Variants in UPP2 observed in about 807,000 individuals in gnomAD.
The protein encoded by UPP2 is uridine phosphorylase 2, also known as UPase 2.
In UPP2, 23 loss-of-function variants were observed where a neutral mutation model predicts 26.7. That is an observed-to-expected ratio of 0.86 (90% CI 0.62 to 1.22). The LOEUF (loss-of-function observed/expected upper bound fraction) is 1.22. Among genes scored for constraint, UPP2 ranks in the 50% most tolerant of loss-of-function variants. UPP2 has a pLI of 0.00. For synonymous variants in UPP2, 127 were observed against 141.3 expected (o/e 0.90, Z 0.72); for missense variants, 387 against 396.7 (o/e 0.98, Z 0.21).
At position 158,002,517 on chromosome 2, in the gene UPP2, G is replaced by A. The variant is rs115674254; in HGVS notation, c.61+7258G>A. Among the ~76,000 whole-genome samples, 1,142 of 152,354 alleles carry A rather than the reference G, an allele frequency of 7.5e-3. 18 individuals carry two copies. The highest frequency in any genetic ancestry group is 0.026 in the African/African-American group (1,070 of 41,574). Reference sequence around the variant, plus strand: ...AGGAAAAGAAAAAGGCAGCTATCTGGCAGGCCTGCCTGCACAGAGCAAGAG... The same window carrying A: ...AGGAAAAGAAAAAGGCAGCTATCTGACAGGCCTGCCTGCACAGAGCAAGAG... On this transcript the variant is annotated intron_variant, in intron 2 of 9. Transcript: ENST00000605860.
At chr2:158,031,570 T>A (rs1558908915) in intron 3 of UPP2, among the ~76,000 whole-genome samples, 1 of 152,168 alleles carries the variant, frequency 6.6e-6, no homozygotes, top group Non-Finnish European at 1.5e-5. Flanking sequence ...ACCGCTGAGG[T>A]TCCGAGCCAG....
intron 3 of UPP2, among the ~76,000 whole-genome samples, chr2:158,037,688 A>G (rs1238953853): frequency 3.3e-5 from 5 of 152,132 alleles, no homozygotes; most frequent in Non-Finnish European, 5.9e-5. Flanking sequence ...CTGTCTTCAC[A>G]TGACCATCTC....
At chr2:158,129,121 CCAA>C (rs1257451568) in intron 6 of UPP2, among the ~76,000 whole-genome samples, 1 of 152,026 alleles carries the variant, frequency 6.6e-6, no homozygotes, top group African/African-American at 2.4e-5. Context: ...CTTCCCACTG[CCAA>C]CAACTCACAC....
intron 2 of UPP2, 36 bp downstream of exon 2, chr2:158,106,252 G>GT (rs757722589): frequency 1.3e-6 from 2 of 1,574,180 alleles, no homozygotes; most frequent in Non-Finnish European, 8.7e-7. Flanking sequence ...AAATGATTGA[G>GT]TTTTCTCTAC....
At chr2:158,062,644 A>G (rs558362952) in intron 3 of UPP2, among the ~76,000 whole-genome samples, 2 of 152,108 alleles carry the variant, frequency 1.3e-5, no homozygotes, top group Non-Finnish European at 2.9e-5. Context: ...TCTCCTTTTT[A>G]CACTATCCCT....
At chr2:158,038,660 A>T (rs906691071) in intron 3 of UPP2, among the ~76,000 whole-genome samples, 2 of 152,254 alleles carry the variant, frequency 1.3e-5, no homozygotes, top group Non-Finnish European at 2.9e-5. Context: ...GAGCTGGAAC[A>T]GCCTGTGGCT....
At chr2:158,128,492 C>CTT in intron 6 of UPP2, among the ~76,000 whole-genome samples, 1 of 152,146 alleles carries the variant, frequency 6.6e-6, no homozygotes, top group South Asian at 2.1e-4. Context: ...ATCTTTAGGC[C>CTT]AGGGTACAAG....
At chr2:158,000,031 G>C (rs911058105) in intron 2 of UPP2, among the ~76,000 whole-genome samples, 1 of 151,940 alleles carries the variant, frequency 6.6e-6, no homozygotes, top group African/African-American at 2.4e-5. Flanking sequence ...TGGTAGAAAA[G>C]ATAATATGTT....
intron 3 of UPP2, among the ~76,000 whole-genome samples, chr2:158,029,556 G>T (rs893109093): frequency 2.0e-5 from 3 of 152,308 alleles, no homozygotes; most frequent in Admixed American, 2.0e-4. Context: ...GCCATCAGTA[G>T]AGTGGCAACT....
intron 3 of UPP2, among the ~76,000 whole-genome samples, chr2:158,046,968 G>C (rs1273876239): frequency 6.6e-6 from 1 of 152,170 alleles, no homozygotes; most frequent in East Asian, 1.9e-4. Context: ...TATATTAAAA[G>C]AGATCAACTA....
At chr2:158,046,446 T>G (rs2355165) in intron 3 of UPP2, among the ~76,000 whole-genome samples, 100,622 of 152,126 alleles carry the variant, frequency 0.66, 33,496 homozygotes, top group Non-Finnish European at 0.71. Flanking sequence ...CCAGAGAATC[T>G]GCTTGCCCCA....
chr2:158,127,023 T>C (rs759031478), intron 6 of UPP2, among the ~76,000 whole-genome samples: 9 of 152,226 alleles, frequency 5.9e-5, no homozygotes, highest in Non-Finnish European at 2.9e-5. Context: ...TAGAGAACCA[T>C]TGTACTAACT....
At chr2:158,057,908 A>G (rs938425371) in intron 3 of UPP2, among the ~76,000 whole-genome samples, 11 of 152,156 alleles carry the variant, frequency 7.2e-5, no homozygotes, top group African/African-American at 2.2e-4. Context: ...ATATGACTGT[A>G]TTTGGAGACA....
intron 3 of UPP2, chr2:158,015,934 A>C (rs1036191889): frequency 1.8e-4 from 70 of 391,662 alleles, no homozygotes; most frequent in African/African-American, 1.5e-3. Context: ...AGTCTCAGGT[A>C]GTTCTTTATA....
chr2:158,133,288 G>A (rs1282388950), intron 6 of UPP2, among the ~76,000 whole-genome samples: 1 of 152,198 alleles, frequency 6.6e-6, no homozygotes, highest in Admixed American at 6.5e-5. Context: ...AATACTGTAT[G>A]ATTTTACTTA....
chr2:158,130,155 C>T (rs1244801810), intron 6 of UPP2, among the ~76,000 whole-genome samples: 1 of 152,016 alleles, frequency 6.6e-6, no homozygotes, highest in East Asian at 1.9e-4. Context: ...TTAGATTGAG[C>T]TCTGAGTTTC....
At chr2:158,071,646 C>T (rs1014893814) in intron 3 of UPP2, among the ~76,000 whole-genome samples, 3 of 148,180 alleles carry the variant, frequency 2.0e-5, no homozygotes, top group African/African-American at 7.4e-5. Flanking sequence ...TGTATCTTGA[C>T]TACCAGTTCA....
chr2:158,074,392 A>G (rs990300856), intron 3 of UPP2, among the ~76,000 whole-genome samples: 5 of 152,170 alleles, frequency 3.3e-5, no homozygotes, highest in Non-Finnish European at 7.4e-5. Flanking sequence ...TCAATAAGAC[A>G]TAAAGAGAAG....
chr2:157,999,624 G>A (rs889656489), intron 2 of UPP2, among the ~76,000 whole-genome samples: 5 of 152,004 alleles, frequency 3.3e-5, no homozygotes, highest in Admixed American at 3.3e-4. Flanking sequence ...TAACGTTTTG[G>A]CCAATGATGA....
Sources: allele counts gnomAD v4.1 joint callset (sites outside exome capture counted in the v4.1 genomes callset), GRCh38; gene constraint gnomAD v4.1.1; transcripts MANE v1.5; gene names NCBI Gene and HGNC (gene_info 2026-07-23, HGNC 2026-07-21).